Variants in PAIP1 observed in about 807,000 individuals in gnomAD.
PAIP1 encodes polyadenylate-binding protein-interacting protein 1.
In PAIP1, 16 loss-of-function variants were observed where a neutral mutation model predicts 61.3. The observed-to-expected ratio is 0.26, with a 90% confidence interval of 0.18 to 0.40. The LOEUF (loss-of-function observed/expected upper bound fraction) is 0.40. Ranked by LOEUF, PAIP1 falls within the 10% of genes least tolerant of loss-of-function variation. PAIP1 has a pLI of 1.00. For missense variants in PAIP1, 416 were observed against 600.9 expected (o/e 0.69, Z 3.22); for synonymous variants, 187 against 226.2 (o/e 0.83, Z 1.56).
At chr5:43,531,656 C>CAAAAAAAAAAAAAAACAAAA (rs1746937697) in intron 9 of PAIP1, among the ~76,000 whole-genome samples, 1 of 59,868 alleles carries the variant, frequency 1.7e-5, no homozygotes, top group Non-Finnish European at 3.4e-5. Flanking sequence ...GACTCTGTCT[C>CAAAAAAAAAAAAAAACAAAA]AAAAAAAAAA....
chr5:43,556,352 A>T lies in PAIP1; in HGVS notation c.265+230T>A, dbSNP rs1054840624. On this transcript the variant is annotated intron_variant, in intron 1 of 10. Coordinates refer to ENST00000306846, the MANE Select transcript of PAIP1 (RefSeq NM_006451.5). Reference sequence around the variant, plus strand: ...CTTCCTCCCGGGACCCCGAACTCCGAGACCGCGCACCCGGCCCCTCCCCCC... The same window carrying T: ...CTTCCTCCCGGGACCCCGAACTCCGTGACCGCGCACCCGGCCCCTCCCCCC... 13 of 1,235,220 alleles carry T rather than the reference A, an allele frequency of 1.1e-5. No homozygotes were observed. The African/African-American group carries it at 2.0e-4, about 19-fold the overall frequency. The allele number at this position is 1,235,220 out of a possible 1,614,324, so 76.5% of individuals were successfully genotyped here.
chr5:43,551,343 C>T (rs942848374), intron 2 of PAIP1, among the ~76,000 whole-genome samples: 16 of 152,100 alleles, frequency 1.1e-4, no homozygotes, highest in African/African-American at 3.6e-4. Flanking sequence ...CGTAACAATC[C>T]ATTAACAAGG....
chr5:43,543,303 A>G (rs886313085), intron 3 of PAIP1, among the ~76,000 whole-genome samples, 187 bp from the exon 4 acceptor site: 7 of 144,820 alleles, frequency 4.8e-5, no homozygotes, highest in Admixed American at 7.2e-5. Flanking sequence ...AAGAACCACA[A>G]TAAGTACAAA....
intron 4 of PAIP1, among the ~76,000 whole-genome samples, chr5:43,539,236 G>GA (rs1747291017): frequency 6.7e-6 from 1 of 149,904 alleles, no homozygotes; most frequent in Admixed American, 6.7e-5. Context: ...CTCCCAGTTT[G>GA]AAAAAACTGA....
At chr5:43,535,343 A>T (rs1426383409) in intron 7 of PAIP1, among the ~76,000 whole-genome samples, 191 bp downstream of exon 7, 1 of 152,240 alleles carries the variant, frequency 6.6e-6, no homozygotes, top group Non-Finnish European at 1.5e-5. Context: ...AAAATATCTG[A>T]CACGTCTATC....
At position 43,556,978 on chromosome 5, in the gene PAIP1, G is replaced by A; in HGVS notation, c.-132C>T. On this transcript the variant is annotated 5_prime_UTR_variant, in exon 1 of 11. Transcript: ENST00000306846. ...GGCCTCATGGAGGAGGAGGGCGGCG[G>A]GCCCCGGCTCGGCTGCTCGGTGCTT... 2.4e-6 allele frequency: 3 copies of A among 1,242,058 alleles called. No homozygotes were observed. The highest frequency in any genetic ancestry group is 3.0e-6 in the Non-Finnish European group (3 of 990,248). 76.9% of individuals were successfully genotyped at this position (1,242,058 alleles called of 1,614,324 possible). A position where few individuals can be genotyped will look rare whatever the true frequency, so the allele number is the denominator to read the frequency against.
In PAIP1 at chr5:43,526,270, A is replaced by G. The variant is rs1315920992; in HGVS notation, c.*1106T>C. On this transcript the variant is annotated 3_prime_UTR_variant, in exon 11 of 11. Coordinates refer to ENST00000306846, the MANE Select transcript of PAIP1 (RefSeq NM_006451.5). ...ATACCAGATGCTACTTCAAAAATTT[A>G]GAGGAAACAACTATTTAAGCTTTAT... 6.6e-6 allele frequency: 1 copy of G among 152,658 alleles called. No individual in the cohort carries two copies. Among genetic ancestry groups the G allele is most frequent in the African/African-American group, 2.4e-5 (1 of 41,464 alleles). 9.5% of individuals were successfully genotyped at this position (152,658 alleles called of 1,614,324 possible). A position where few individuals can be genotyped will look rare whatever the true frequency, so the allele number is the denominator to read the frequency against.
intron 8 of PAIP1, 92 bp downstream of exon 8, chr5:43,534,761 C>G: frequency 2.7e-6 from 2 of 741,010 alleles, no homozygotes; most frequent in Non-Finnish European, 2.4e-6. Flanking sequence ...TTATTAGGCA[C>G]TGAATTCTGA....
intron 9 of PAIP1, 79 bp downstream of exon 9, chr5:43,533,659 C>A: frequency 1.2e-6 from 1 of 851,930 alleles, no homozygotes; most frequent in South Asian, 1.3e-5. Context: ...CAATCTTGTG[C>A]TGGTGAGGAT....
chr5:43,556,560 G>A (rs1037176659), intron 1 of PAIP1, 22 bp downstream of exon 1: 44 of 1,246,532 alleles, frequency 3.5e-5, no homozygotes, highest in Non-Finnish European at 4.1e-5. Context: ...GGAGGACTGG[G>A]GCCCTTAGAG....
At position 43,540,457 on chromosome 5, in the gene PAIP1, C is replaced by A. The variant is rs1747353827; in HGVS notation, c.735-1422G>T. On this transcript the variant is annotated intron_variant, in intron 4 of 10. Coordinates refer to ENST00000306846, the MANE Select transcript of PAIP1 (RefSeq NM_006451.5). ...ATGATTATGTACATGCAAACAAATA[C>A]CTACATAATTGACTAGGTGAAAAGT... Among the ~76,000 whole-genome samples, 4 of 151,950 alleles carry A rather than the reference C, an allele frequency of 2.6e-5. 1 individual carries two copies. The highest frequency in any genetic ancestry group is 2.6e-4 in the Admixed American group (4 of 15,260).
intron 2 of PAIP1, 95 bp downstream of exon 2, chr5:43,555,735 A>T: frequency 9.6e-7 from 1 of 1,041,018 alleles, no homozygotes; most frequent in Non-Finnish European, 1.4e-6. Context: ...TTTTACGTGT[A>T]GTACAGAAAG....
intron 3 of PAIP1, among the ~76,000 whole-genome samples, chr5:43,544,824 C>T (rs1409810930): frequency 6.6e-6 from 1 of 152,132 alleles, no homozygotes; most frequent in African/African-American, 2.4e-5. Flanking sequence ...CTTAGGTACC[C>T]TCCCTGAGGT....
At chr5:43,536,738 C>T (rs967758550) in intron 6 of PAIP1, 81 bp downstream of exon 6, 1 of 622,004 alleles carries the variant, frequency 1.6e-6, no homozygotes, top group South Asian at 3.0e-5. Context: ...ATCTTGAATT[C>T]ATCTGTATAC....
At chr5:43,556,155 C>A in intron 1 of PAIP1, 156 bp from the exon 2 acceptor site, 1 of 1,409,784 alleles carries the variant, frequency 7.1e-7, no homozygotes, top group South Asian at 1.6e-5. Flanking sequence ...GTACAGACAG[C>A]CTACAAAAAG....
chr5:43,533,845 G>C (rs1010100977), intron 8 of PAIP1, 53 bp from the exon 9 acceptor site: 2 of 1,076,146 alleles, frequency 1.9e-6, no homozygotes, highest in Non-Finnish European at 1.5e-6. Flanking sequence ...ATTGATTTTT[G>C]TAAGTACAAT....
chr5:43,539,122 C>CTTGCCTCTTGCTGTGG, intron 4 of PAIP1, 87 bp from the exon 5 acceptor site: 1 of 849,192 alleles, frequency 1.2e-6, no homozygotes, highest in Non-Finnish European at 2.0e-6. Flanking sequence ...TTTGGTTGTC[C>CTTGCCTCTTGCTGTGG]ACAGCAAGAG....
At chr5:43,557,374 G>C (rs1454012419), upstream of PAIP1, 1 of 152,898 alleles carries the variant, frequency 6.5e-6, no homozygotes, top group African/African-American at 2.4e-5. Flanking sequence ...TAGTTCTCAG[G>C]AGAGACGTGC....
In PAIP1 at chr5:43,556,735, C is replaced by G. The variant is rs912983908; in HGVS notation, c.112G>C (p.Ala38Pro). 30 of 1,367,908 alleles carry G rather than the reference C, an allele frequency of 2.2e-5. No homozygotes were observed. The highest frequency in any genetic ancestry group is 2.7e-5 in the Non-Finnish European group (29 of 1,063,768). The allele number at this position is 1,367,908 out of a possible 1,614,324, so 84.7% of individuals were successfully genotyped here. A position where few individuals can be genotyped will look rare whatever the true frequency, so the allele number is the denominator to read the frequency against. ...GGGFPNGAGP[A>P]ERARHQPPQP... ...GGCGGCTGGTGCCGCGCCCGCTCAG[C>G]AGGCCCCGCTCCGTTCGGGAAACCG... The change falls in exon 1 of 11, where the codon GCT (alanine) becomes CCT (proline). Residue 38 changes from alanine to proline, a missense_variant. Ala to Pro is a conservative substitution (Grantham distance 27). Coordinates refer to ENST00000306846, the MANE Select transcript of PAIP1 (RefSeq NM_006451.5).
Sources: gnomAD v4.1 joint callset for allele counts (sites outside exome capture counted in the v4.1 genomes callset) on GRCh38, gnomAD v4.1.1 for gene constraint, MANE v1.5 for transcripts, NCBI Gene and HGNC (gene_info 2026-07-23, HGNC 2026-07-21) for gene names.